Variants in MYO10 observed in about 807,000 individuals in gnomAD.
MYO10 encodes the protein myosin X, also known as unconventional myosin-X.
In MYO10, 133 loss-of-function variants were observed where a neutral mutation model predicts 257.3. The observed-to-expected ratio is 0.52, with a 90% CI of 0.45 to 0.60. MYO10 has a LOEUF of 0.60. Among genes scored for constraint, MYO10 ranks in the 20% least tolerant of loss-of-function variants. The pLI is 0.00. For synonymous variants in MYO10, 1,104 were observed against 1,028.6 expected (o/e 1.07, Z -1.40); for missense variants, 2,399 against 2,635.7 (o/e 0.91, Z 1.97).
chr5:16,748,488 G>GCACCCCCCCCCCCCCC (rs1553991920), intron 19 of MYO10, among the ~76,000 whole-genome samples: 1 of 149,832 alleles, frequency 6.7e-6, no homozygotes, highest in African/African-American at 2.5e-5. Flanking sequence ...CAAGTGATCC[G>GCACCCCCCCCCCCCCC]CGCCCCCCCG....
chr5:16,723,539 G>A (rs1351209468), intron 19 of MYO10, among the ~76,000 whole-genome samples: 2 of 152,192 alleles, frequency 1.3e-5, no homozygotes, highest in Admixed American at 1.3e-4. Context: ...GCAAAATGGT[G>A]CAGTCAATTT....
At chr5:16,902,196 C>A (rs927878682) in intron 1 of MYO10, 15 of 634,408 alleles carry the variant, frequency 2.4e-5, no homozygotes, top group Non-Finnish European at 3.6e-5. Flanking sequence ...CAGGTGCCCA[C>A]CACCAGGCCC....
chr5:16,818,289 A>G (rs1742687421), intron 2 of MYO10, 122 bp from the exon 3 acceptor site: 1 of 858,246 alleles, frequency 1.2e-6, no homozygotes, highest in Admixed American at 3.1e-5. Context: ...AAATTGGACA[A>G]TCAAAAATAT....
rs1736134427 is a variant in MYO10 at position 16,665,714 on chromosome 5, C to G, written c.*978G>C. The G allele has an allele frequency of 6.6e-6, 1 of 152,560 alleles. No homozygotes were observed. The allele number at this position is 152,560 out of a possible 1,614,324, so 9.5% of individuals were successfully genotyped here. The stretch of plus-strand genomic sequence containing the variant: ...CTTCCAAGTAACACTTTGTTTTTAA[C>G]TTAAATCTTTTAGACATGAAAGACT... On this transcript the variant is annotated 3_prime_UTR_variant, in exon 41 of 41. Coordinates refer to ENST00000513610, the MANE Select transcript of MYO10 (RefSeq NM_012334.3).
At chr5:16,816,230 T>G (rs1742603515) in intron 3 of MYO10, among the ~76,000 whole-genome samples, 1 of 150,360 alleles carries the variant, frequency 6.7e-6, no homozygotes, top group African/African-American at 2.5e-5. Context: ...TCCCAGCTAC[T>G]CGGGAGGCTG....
chr5:16,754,244 T>C (rs767819579), intron 19 of MYO10, among the ~76,000 whole-genome samples: 11 of 152,200 alleles, frequency 7.2e-5, no homozygotes, highest in Non-Finnish European at 1.0e-4. Flanking sequence ...TTTAGGTAGC[T>C]TTTCCTTTTT....
At chr5:16,782,016 C>A (rs888818125) in intron 5 of MYO10, among the ~76,000 whole-genome samples, 187 bp from the exon 6 acceptor site, 3 of 152,220 alleles carry the variant, frequency 2.0e-5, no homozygotes, top group Non-Finnish European at 4.4e-5. Context: ...GGCTTATCTG[C>A]ATATCCATCT....
chr5:16,721,559 C>T (rs1345305005), intron 19 of MYO10, among the ~76,000 whole-genome samples: 1 of 152,140 alleles, frequency 6.6e-6, no homozygotes, highest in Non-Finnish European at 1.5e-5. Flanking sequence ...AGGCAACCCC[C>T]GCAGGTGAGG....
At chr5:16,861,201 C>A (rs1289508646) in intron 2 of MYO10, among the ~76,000 whole-genome samples, 1 of 146,836 alleles carries the variant, frequency 6.8e-6, no homozygotes, top group East Asian at 2.0e-4. Flanking sequence ...GAATACAAGA[C>A]TAGGGAACAT....
intron 19 of MYO10, among the ~76,000 whole-genome samples, chr5:16,729,788 A>G (rs1473768078): frequency 6.6e-6 from 1 of 152,116 alleles, no homozygotes; most frequent in Non-Finnish European, 1.5e-5. Flanking sequence ...CGCTTTGCTA[A>G]AAGAACTCCA....
chr5:16,768,664 CTTTT>C (rs34950225), intron 10 of MYO10, among the ~76,000 whole-genome samples: 118 of 70,164 alleles, frequency 1.7e-3, no homozygotes, highest in African/African-American at 6.3e-3. Context: ...TTTCTCTTTT[CTTTT>C]TTTTTTTTTT....
intron 2 of MYO10, among the ~76,000 whole-genome samples, chr5:16,866,496 C>T (rs1480377381): frequency 6.6e-6 from 1 of 152,106 alleles, no homozygotes; most frequent in African/African-American, 2.4e-5. Flanking sequence ...CCCTTTATGG[C>T]CTCTAGAAAC....
At chr5:16,911,894 C>T (rs138648703) in intron 1 of MYO10, among the ~76,000 whole-genome samples, 3,479 of 151,960 alleles carry the variant, frequency 0.023, 57 homozygotes, top group Middle Eastern at 0.037. Flanking sequence ...AAAAATTAGC[C>T]GGGTGTGGTG....
rs766285236 is a variant in MYO10 at position 16,668,421 on chromosome 5, C to T, written c.5931G>A (p.Ala1977=). The change falls in exon 40 of 41, where the codon GCG becomes GCA. Residue 1977 remains alanine, a synonymous_variant. Transcript: ENST00000513610. ...CACGCTTGTAGACGGAGACGGCGTC[C>T]GCGCTGACACCCAACCAGAGTTCCT... The part of the protein sequence containing the change: ...FPQELWLGVS[A]DAVSVYKRGE... 8.7e-6 allele frequency: 14 copies of T among 1,613,250 alleles called. No individual in the cohort carries two copies. In the East Asian group the frequency reaches 1.8e-4, roughly 21 times the overall value.
At chr5:16,772,088 C>T (rs1228666223) in intron 9 of MYO10, among the ~76,000 whole-genome samples, 1 of 151,448 alleles carries the variant, frequency 6.6e-6, no homozygotes, top group East Asian at 1.9e-4. Context: ...TCTAATTATT[C>T]TACAATTATA....
intron 19 of MYO10, among the ~76,000 whole-genome samples, chr5:16,727,542 T>G (rs1194711863): frequency 1.3e-5 from 2 of 152,212 alleles, no homozygotes; most frequent in African/African-American, 4.8e-5. Context: ...CTCACGAGGC[T>G]AATGACTCTG....
intron 17 of MYO10, among the ~76,000 whole-genome samples, chr5:16,760,417 C>A (rs31508): frequency 6.7e-6 from 1 of 148,838 alleles, no homozygotes; most frequent in Admixed American, 6.7e-5. Flanking sequence ...GCCGAGATTG[C>A]GCCACTGCAC....
At chr5:16,757,119 T>TTA (rs1410051531) in intron 18 of MYO10, among the ~76,000 whole-genome samples, 3 of 100,134 alleles carry the variant, frequency 3.0e-5, no homozygotes, top group Admixed American at 1.2e-4. Context: ...ACTCTGCCTT[T>TTA]AAAAAAAAAA....
Position 16,904,656 on chromosome 5 carries a change from G to A in MYO10, c.22-26949C>T, listed in dbSNP as rs533832957. On this transcript the variant is annotated intron_variant, in intron 1 of 40. Coordinates refer to ENST00000513610, the MANE Select transcript of MYO10 (RefSeq NM_012334.3). ...TCAGCAGTGTGTTGTGAGGCTGGGC[G>A]CGGTGGCTCACGCCTGTAATCCCAG... Among the ~76,000 whole-genome samples, 9 of 152,328 alleles carry A rather than the reference G, an allele frequency of 5.9e-5. No individual in the cohort carries two copies. The East Asian group carries it at 1.5e-3, about 26-fold the overall frequency.
Sources: gnomAD v4.1 joint callset for allele counts (sites outside exome capture counted in the v4.1 genomes callset) on GRCh38, gnomAD v4.1.1 for gene constraint, MANE v1.5 for transcripts, NCBI Gene and HGNC (gene_info 2026-07-23, HGNC 2026-07-21) for gene names.